RNF128: variants seen among roughly 807,000 people sequenced by gnomAD.
RNF128 encodes the protein ring finger protein 128, also known as E3 ubiquitin-protein ligase RNF128.
In RNF128, 13 loss-of-function variants were observed where a neutral mutation model predicts 26.2. That is an observed-to-expected ratio of 0.50 (90% CI 0.32 to 0.79). The LOEUF is 0.79. Ranked by LOEUF, RNF128 falls within the 30% of genes least tolerant of loss-of-function variation. The pLI, the probability that RNF128 is intolerant of heterozygous loss-of-function variation, is 0.03. For missense variants in RNF128, 315 were observed against 349.7 expected (o/e 0.90, Z 0.79); for synonymous variants, 149 against 142.5 (o/e 1.05, Z -0.32).
At chrX:106,745,672 C>A (rs184336651) in intron 1 of RNF128, among the ~76,000 whole-genome samples, 277 of 111,411 alleles carry the variant, frequency 2.5e-3, no homozygotes, top group African/African-American at 8.8e-3. Flanking sequence ...TGATGAGGTA[C>A]ACTGATAGTA....
In RNF128 at chrX:106,739,251, C is replaced by T. The variant is rs778511428; in HGVS notation, c.484+11854C>T. On this transcript the variant is annotated intron_variant, in intron 1 of 6. Transcript: ENST00000255499. ...ATGGGCTCACTTCAACCTCTACATC[C>T]CGGGTTCAAGCGATTCTCCTGCCTC... Among the ~76,000 whole-genome samples, 3 of 110,399 alleles carry T rather than the reference C, an allele frequency of 2.7e-5. No individual in the cohort carries two copies. The South Asian group carries it at 1.2e-3, about 44-fold the overall frequency.
At chrX:106,694,461 G>A in intron 1 of RNF128, 1 of 1,022,642 alleles carries the variant, frequency 9.8e-7, no homozygotes. Flanking sequence ...TCTTAGAATG[G>A]TATTTCCATC....
intron 1 of RNF128, among the ~76,000 whole-genome samples, chrX:106,707,991 C>T (rs1929071155): frequency 9.0e-6 from 1 of 111,427 alleles, no homozygotes; most frequent in South Asian, 3.8e-4. Flanking sequence ...TCATATCAGG[C>T]CCTCATTGAT....
chrX:106,705,087 T>C (rs1326007100), intron 1 of RNF128, among the ~76,000 whole-genome samples: 1 of 111,253 alleles, frequency 9.0e-6, no homozygotes, highest in Non-Finnish European at 1.9e-5. Context: ...ATGTCAATGT[T>C]TGGGCAGGGA....
At chrX:106,725,958 C>T (rs185673951), upstream of RNF128, among the ~76,000 whole-genome samples, 13 of 113,044 alleles carry the variant, frequency 1.1e-4, no homozygotes, top group African/African-American at 4.2e-4. Flanking sequence ...GAGTCAGGCT[C>T]CTTTCAGTTA....
intron 1 of RNF128, among the ~76,000 whole-genome samples, chrX:106,718,154 C>T (rs975130073): frequency 2.7e-5 from 3 of 111,689 alleles, no homozygotes; most frequent in African/African-American, 9.8e-5. Context: ...CCCTAAACAC[C>T]GTATAGAGGC....
chrX:106,788,109 ATTT>A (rs1203673474), intron 4 of RNF128, 109 bp downstream of exon 4: 4 of 398,824 alleles, frequency 1.0e-5, no homozygotes, highest in Non-Finnish European at 1.6e-5. Context: ...AAAAATGTTT[ATTT>A]TTTAACTTAT....
chrX:106,721,751 T>C (rs748781359), upstream of RNF128, among the ~76,000 whole-genome samples: 933 of 111,669 alleles, frequency 8.4e-3, 10 homozygotes, highest in African/African-American at 0.029. Flanking sequence ...AGAGGGAAAA[T>C]AGTTAAGTCA....
At chrX:106,757,602 G>C (rs1351663089) in intron 1 of RNF128, among the ~76,000 whole-genome samples, 7 of 66,367 alleles carry the variant, frequency 1.1e-4, no homozygotes, top group Non-Finnish European at 1.6e-4. Flanking sequence ...GGGGAGGGGG[G>C]AGGGATAGCA....
intron 2 of RNF128, among the ~76,000 whole-genome samples, chrX:106,780,974 A>T (rs1351318461): frequency 1.8e-5 from 2 of 112,791 alleles, no homozygotes; most frequent in African/African-American, 6.4e-5. Flanking sequence ...CACATGGTAA[A>T]GGTTCAATTA....
rs1159554502 is a variant in RNF128 at position 106,726,980 on chromosome X, T to A, written c.67T>A (p.Trp23Arg). ...CTGCGGCTTTTCCAGATTGCTGGCA[T>A]GGTGCTTCCTGCTGGCCCTGAGTCC... ...GGCGFSRLLA[W>R]CFLLALSPQA... is the part of the protein sequence containing the mutation. Residue 23 changes from tryptophan to arginine, a missense_variant, in exon 1 of 7, where the codon TGG becomes AGG. By Grantham distance (101) the Trp-to-Arg change is moderately radical. Coordinates refer to ENST00000255499, the MANE Select transcript of RNF128 (RefSeq NM_194463.2). 8.3e-7 allele frequency: 1 copy of A among 1,198,843 alleles called. No individual in the cohort carries two copies. The highest frequency in any genetic ancestry group is 2.3e-5 in the Admixed American group (1 of 44,209).
At chrX:106,788,439 T>A (rs1460022733) in intron 4 of RNF128, among the ~76,000 whole-genome samples, 16 of 44,844 alleles carry the variant, frequency 3.6e-4, no homozygotes, top group Non-Finnish European at 2.8e-4. Flanking sequence ...TATATAATAT[T>A]ATTATAATTA....
At chrX:106,761,271 A>G (rs1276122290) in intron 1 of RNF128, among the ~76,000 whole-genome samples, 4 of 112,162 alleles carry the variant, frequency 3.6e-5, no homozygotes, top group African/African-American at 1.3e-4. Context: ...TAAAAAGTCA[A>G]AAAATAACAG....
chrX:106,716,260 T>G (rs1159119827), intron 1 of RNF128, among the ~76,000 whole-genome samples: 3 of 111,795 alleles, frequency 2.7e-5, no homozygotes, highest in Non-Finnish European at 5.6e-5. Context: ...CACTTATCTC[T>G]CTGACCACTC....
At chrX:106,754,245 G>A (rs1269438640) in intron 1 of RNF128, among the ~76,000 whole-genome samples, 1 of 107,805 alleles carries the variant, frequency 9.3e-6, no homozygotes, top group Non-Finnish European at 1.9e-5. Context: ...TTTCAGACAA[G>A]TTCTCACTCT....
At chrX:106,760,942 G>T (rs868637708) in intron 1 of RNF128, among the ~76,000 whole-genome samples, 1 of 111,872 alleles carries the variant, frequency 8.9e-6, no homozygotes, top group Non-Finnish European at 1.9e-5. Flanking sequence ...AAATTAAAAA[G>T]CTTTTGCATA....
intron 3 of RNF128, among the ~76,000 whole-genome samples, chrX:106,786,227 T>C (rs12853411): frequency 1.8e-5 from 2 of 111,832 alleles, no homozygotes; most frequent in Non-Finnish European, 3.8e-5. Flanking sequence ...GATAGATTTA[T>C]AGATCAAAGA....
chrX:106,754,144 G>T (rs890912372), intron 1 of RNF128, among the ~76,000 whole-genome samples: 1 of 112,071 alleles, frequency 8.9e-6, no homozygotes, highest in Non-Finnish European at 1.9e-5. Context: ...AGCTACAGAA[G>T]ACACAATTGT....
intron 1 of RNF128, among the ~76,000 whole-genome samples, chrX:106,765,460 A>C (rs924692794): frequency 1.8e-5 from 2 of 111,482 alleles, no homozygotes; most frequent in Admixed American, 1.9e-4. Flanking sequence ...TATTTTACTG[A>C]GAAATGGCTT....
Sources: gnomAD v4.1 joint callset for allele counts (sites outside exome capture counted in the v4.1 genomes callset) on GRCh38, gnomAD v4.1.1 for gene constraint, MANE v1.5 for transcripts, NCBI Gene and HGNC (gene_info 2026-07-23, HGNC 2026-07-21) for gene names.